The following TBC1D22A variants were observed in gnomAD, a reference collection of about 807,000 sequenced individuals.
TBC1D22A encodes putative GTPase activator.
TBC1D22A carries 38 observed loss-of-function variants against 60.2 expected under a neutral mutation model. That is an observed-to-expected ratio of 0.63 (90% CI 0.49 to 0.83). The LOEUF (loss-of-function observed/expected upper bound fraction) is 0.83, where lower values mean the gene tolerates loss of function less well. Among genes scored for constraint, TBC1D22A ranks in the 40% least tolerant of loss-of-function variants. The pLI is 0.00. For missense variants in TBC1D22A, 628 were observed against 701.0 expected (o/e 0.90, Z 1.18); for synonymous variants, 302 against 281.7 (o/e 1.07, Z -0.72).
intron 11 of TBC1D22A, among the ~76,000 whole-genome samples, chr22:47,078,641 GT>G (rs1426753052): frequency 6.6e-6 from 1 of 152,246 alleles, no homozygotes; most frequent in African/African-American, 2.4e-5. Flanking sequence ...TACCATCGAG[GT>G]TTAGGGAACC....
chr22:46,920,911 C>T (rs1314693575), intron 8 of TBC1D22A, among the ~76,000 whole-genome samples: 1 of 151,910 alleles, frequency 6.6e-6, no homozygotes, highest in African/African-American at 2.4e-5. Context: ...GCTGGGATTA[C>T]AGGTGTGTGC....
At chr22:47,164,819 G>C (rs111467534) in intron 12 of TBC1D22A, among the ~76,000 whole-genome samples, 2 of 152,174 alleles carry the variant, frequency 1.3e-5, no homozygotes, top group Non-Finnish European at 2.9e-5. Context: ...GCACATGTAC[G>C]TCACGGAAGC....
intron 5 of TBC1D22A, 29 bp downstream of exon 5, chr22:46,878,752 C>T (rs551180612): frequency 6.2e-7 from 1 of 1,608,374 alleles, no homozygotes; most frequent in East Asian, 2.2e-5. Context: ...CCCATCAGCG[C>T]CTCCTTCCTG....
At chr22:46,910,459 C>T (rs1265017705) in intron 7 of TBC1D22A, among the ~76,000 whole-genome samples, 5 of 152,222 alleles carry the variant, frequency 3.3e-5, no homozygotes, top group Admixed American at 2.0e-4. Context: ...GTTGGCTCTG[C>T]GGGGCTGAGT....
chr22:47,080,758 G>A (rs935768444), intron 11 of TBC1D22A, among the ~76,000 whole-genome samples: 1 of 151,938 alleles, frequency 6.6e-6, no homozygotes, highest in Non-Finnish European at 1.5e-5. Flanking sequence ...AAAATGAAAA[G>A]AACAGAAATC....
intron 10 of TBC1D22A, among the ~76,000 whole-genome samples, chr22:47,012,949 C>A (rs189917611): frequency 6.5e-4 from 99 of 152,324 alleles, no homozygotes; most frequent in African/African-American, 2.4e-3. Flanking sequence ...CCTCTGGCCA[C>A]CCCCACCCAG....
At chr22:47,014,989 C>T (rs2061862204) in intron 10 of TBC1D22A, among the ~76,000 whole-genome samples, 1 of 152,248 alleles carries the variant, frequency 6.6e-6, no homozygotes, top group Non-Finnish European at 1.5e-5. Context: ...CTCCCTGGCA[C>T]CTGTGCACAC....
intron 12 of TBC1D22A, among the ~76,000 whole-genome samples, chr22:47,132,520 C>T (rs2066712869): frequency 1.7e-5 from 1 of 58,064 alleles, no homozygotes; most frequent in African/African-American, 6.4e-5. Flanking sequence ...ACCGCCCCGC[C>T]CTGCTGTCTC....
In TBC1D22A at chr22:47,172,088, A is replaced by T. The variant is rs1326957003; in HGVS notation, c.1426-1410A>T. Reference sequence around the variant, plus strand: ...AGCACTCCCAGTGAGCCTACCCAGCACTCCCAGTGAGCTGTGTGCTCACCC... The same window carrying T: ...AGCACTCCCAGTGAGCCTACCCAGCTCTCCCAGTGAGCTGTGTGCTCACCC... On this transcript the variant is annotated intron_variant, in intron 12 of 12. Transcript: ENST00000337137. 6.5e-5 allele frequency among the ~76,000 whole-genome samples: 8 copies of T among 122,292 alleles called. No homozygotes were observed. In the South Asian group the frequency reaches 1.3e-3, roughly 20 times the overall value. The allele number at this position is 122,292 out of a possible 152,430, so 80.2% of individuals were successfully genotyped here. A position where few individuals can be genotyped will look rare whatever the true frequency, so the allele number is the denominator to read the frequency against.
rs1413469164 is a variant in TBC1D22A at position 46,868,571 on chromosome 22, G to A, written c.638-10082G>A. On this transcript the variant is annotated intron_variant, in intron 4 of 12. Transcript: ENST00000337137. The stretch of plus-strand genomic sequence containing the variant: ...TTTGTACTGGAAAGAGTAGTCCTCC[G>A]TCCCCACCCTTCCTCATCCCTGCCT... Among the ~76,000 whole-genome samples, 3 of 152,138 alleles carry A rather than the reference G, an allele frequency of 2.0e-5. No homozygotes were observed. In the South Asian group the frequency reaches 6.2e-4, roughly 32 times the overall value.
intron 4 of TBC1D22A, among the ~76,000 whole-genome samples, chr22:46,850,023 C>T (rs921976732): frequency 1.2e-4 from 19 of 152,346 alleles, no homozygotes; most frequent in African/African-American, 4.6e-4. Context: ...GCCCCTGGAA[C>T]AGCTCCTGCA....
At chr22:46,773,430 G>T (rs779318532) in intron 1 of TBC1D22A, among the ~76,000 whole-genome samples, 8 of 152,212 alleles carry the variant, frequency 5.3e-5, no homozygotes, top group Non-Finnish European at 8.8e-5. Context: ...TCACGCTAGG[G>T]ATTGTCTGTG....
chr22:47,113,668 G>C (rs1046336741), intron 12 of TBC1D22A, among the ~76,000 whole-genome samples: 4 of 152,220 alleles, frequency 2.6e-5, no homozygotes, highest in Admixed American at 2.0e-4. Flanking sequence ...CATTTCTTCT[G>C]TCTGCTCCCA....
intron 8 of TBC1D22A, among the ~76,000 whole-genome samples, chr22:46,942,053 C>T (rs894788998): frequency 7.0e-6 from 1 of 143,690 alleles, no homozygotes; most frequent in African/African-American, 2.6e-5. Flanking sequence ...CACAGTCCAC[C>T]CTTGAACAGC....
rs568837353 is a variant in TBC1D22A at position 47,006,669 on chromosome 22, G to T, written c.1201+8960G>T. Among the ~76,000 whole-genome samples, 184 of 152,216 alleles carry T rather than the reference G, an allele frequency of 1.2e-3. 1 individual carries two copies. The highest frequency in any genetic ancestry group is 4.2e-3 in the African/African-American group (176 of 41,532). On this transcript the variant is annotated intron_variant, in intron 10 of 12. Coordinates refer to ENST00000337137, the MANE Select transcript of TBC1D22A (RefSeq NM_014346.5). Reference sequence around the variant, plus strand: ...AATCAGCTTTGCGTTTTCTCCCCCCGCTCTAGTGGCGGTTGCACCCCAGAC... The same window carrying T: ...AATCAGCTTTGCGTTTTCTCCCCCCTCTCTAGTGGCGGTTGCACCCCAGAC...
At chr22:46,785,486 A>G (rs2084120628) in intron 1 of TBC1D22A, among the ~76,000 whole-genome samples, 1 of 152,234 alleles carries the variant, frequency 6.6e-6, no homozygotes, top group Non-Finnish European at 1.5e-5. Context: ...TTTAAAGTAT[A>G]TAATGCAGTG....
intron 8 of TBC1D22A, among the ~76,000 whole-genome samples, chr22:46,939,474 A>C (rs2071857481): frequency 6.6e-6 from 1 of 152,266 alleles, no homozygotes; most frequent in African/African-American, 2.4e-5. Flanking sequence ...GATAAGTGAC[A>C]GTATTCTTTC....
intron 8 of TBC1D22A, among the ~76,000 whole-genome samples, chr22:46,956,194 G>T (rs12159183): frequency 1.3e-5 from 2 of 152,278 alleles, no homozygotes; most frequent in South Asian, 4.1e-4. Context: ...TAATACCACA[G>T]AAGATGTTTG....
chr22:47,079,019 G>A (rs2064341799), intron 11 of TBC1D22A, among the ~76,000 whole-genome samples: 1 of 151,962 alleles, frequency 6.6e-6, no homozygotes, highest in Admixed American at 6.5e-5. Flanking sequence ...ACGAACAAGA[G>A]AGCGCTACTT....
Sources: gnomAD v4.1 joint callset for allele counts (sites outside exome capture counted in the v4.1 genomes callset) on GRCh38, gnomAD v4.1.1 for gene constraint, MANE v1.5 for transcripts, NCBI Gene and HGNC (gene_info 2026-07-23, HGNC 2026-07-21) for gene names.